Variants in PLEC observed in about 807,000 individuals in gnomAD.
PLEC encodes the protein hemidesmosomal protein 1.
Under a neutral mutation model 392.8 loss-of-function variants are expected in PLEC, and 216 were observed. That is an observed-to-expected ratio of 0.55 (90% confidence interval 0.49 to 0.62). PLEC has a LOEUF of 0.62. Ranked by LOEUF, PLEC falls within the 20% of genes least tolerant of loss-of-function variation. The pLI, the probability that PLEC is intolerant of heterozygous loss-of-function variation, is 0.00. For missense variants in PLEC, 6,863 were observed against 6,563.4 expected (o/e 1.05, Z -1.58); for synonymous variants, 3,621 against 2,980.6 (o/e 1.21, Z -7.00).
chr8:143,929,059 C>T, intron 25 of PLEC, 44 bp downstream of exon 25: 3 of 1,530,658 alleles, frequency 2.0e-6, no homozygotes, highest in East Asian at 2.4e-5. Context: ...CCCCAGCACC[C>T]CCCAGCCGAC....
Position 143,920,899 on chromosome 8 carries a change from A to G in PLEC, c.8922T>C (p.Phe2974=). 1.2e-6 allele frequency: 2 copies of G among 1,612,126 alleles called. No homozygotes were observed. The highest frequency in any genetic ancestry group is 1.7e-6 in the Non-Finnish European group (2 of 1,180,002). Residue 2974 remains phenylalanine (F), a synonymous_variant, in exon 32 of 32, where the codon TTT becomes TTC. Transcript: ENST00000345136. ...CTGGCACCAGGCTGCGCAGGCCCTCAAAGCAAAGCCGGCCCTTCTGCTCCT... is the reference window on the plus strand; with the variant it reads ...CTGGCACCAGGCTGCGCAGGCCCTCGAAGCAAAGCCGGCCCTTCTGCTCCT... ...EEQEQKGRLC[F]EGLRSLVPAA...
Position 143,919,503 on chromosome 8 carries a change from A to T in PLEC, c.10318T>A (p.Tyr3440Asn). 1 of 1,612,848 alleles carries T rather than the reference A, an allele frequency of 6.2e-7. No individual in the cohort carries two copies. The highest frequency in any genetic ancestry group is 8.5e-7 in the Non-Finnish European group (1 of 1,179,846). The change falls in exon 32 of 32, where the codon TAC becomes AAC. Residue 3440 changes from tyrosine (Y) to asparagine (N), a missense_variant. By Grantham distance (143) the Tyr-to-Asn change is moderately radical. Transcript: ENST00000345136. ...EKAVTGYRDP[Y>N]SGSTISLFQA... is the part of the protein sequence containing the mutation. ...AAGAGGGAGATGGTGCTGCCCGAGT[A>T]GGGGTCTCTGTAGCCGGTGACGGCC...
intron 1 of PLEC, among the ~76,000 whole-genome samples, chr8:143,968,867 G>A (rs934383909): frequency 6.6e-6 from 1 of 152,162 alleles, no homozygotes; most frequent in Non-Finnish European, 1.5e-5. Context: ...TGTTGGTGAG[G>A]ATGTGAGGAA....
rs1824706727 is a variant in PLEC at position 143,925,396 on chromosome 8, C to T, written c.4533G>A (p.Arg1511=). 1 of 1,586,014 alleles carries T rather than the reference C, an allele frequency of 6.3e-7. No individual in the cohort carries two copies. The highest frequency in any genetic ancestry group is 8.5e-7 in the Non-Finnish European group (1 of 1,173,488). ...RQVQDESQRK[R]QAEVELASRV... ...GCGAGGCCAGCTCCACCTCCGCCTGCCGCTTACGCTGGCTCTCGTCCTGCA... is the reference window on the plus strand; with the variant it reads ...GCGAGGCCAGCTCCACCTCCGCCTGTCGCTTACGCTGGCTCTCGTCCTGCA... Residue 1511 remains arginine, a synonymous_variant, in exon 31 of 32, where the codon CGG becomes CGA. Coordinates refer to ENST00000345136, the MANE Select transcript of PLEC (RefSeq NM_201384.3).
In PLEC at chr8:143,918,404, G is replaced by C. The variant is rs1554675150; in HGVS notation, c.11417C>G (p.Thr3806Ser). 7 of 1,569,348 alleles carry C rather than the reference G, an allele frequency of 4.5e-6. No homozygotes were observed. The highest frequency in any genetic ancestry group is 3.3e-4 in the Middle Eastern group (2 of 6,012). The stretch of plus-strand genomic sequence containing the variant: ...CAGGCGGGGGTCCACGATGCCGCCG[G>C]TGGCCAGCTGGGCATCCAGCAGCCG... Reference protein sequence around the residue: ...ALRLLDAQLATGGIVDPRLGF... With the variant: ...ALRLLDAQLASGGIVDPRLGF... The change falls in exon 32 of 32, where the codon ACC becomes AGC. Residue 3806 changes from threonine to serine, a missense_variant. Coordinates refer to ENST00000345136, the MANE Select transcript of PLEC (RefSeq NM_201384.3).
In PLEC at chr8:143,930,233, C is replaced by T; in HGVS notation, c.2523G>A (p.Val841=). ...VGPAQPSHWK[V]LSSSGSEAAV... ...CGGCCTCGCTGCCGGAGCTGCTGAG[C>T]ACCTTCCAGTGGGACGGCTGTGCAG... Residue 841 remains valine (V), a synonymous_variant, in exon 21 of 32, where the codon GTG becomes GTA. Coordinates refer to ENST00000345136, the MANE Select transcript of PLEC (RefSeq NM_201384.3). 2.5e-6 allele frequency: 4 copies of T among 1,594,768 alleles called. No individual in the cohort carries two copies. Among genetic ancestry groups the T allele is most frequent in the Non-Finnish European group, 3.4e-6 (4 of 1,175,932 alleles).
In PLEC at chr8:143,923,211, G is replaced by C. The variant is rs1554691628; in HGVS notation, c.6718C>G (p.Leu2240Val). 6.2e-7 allele frequency: 1 copy of C among 1,603,012 alleles called. No homozygotes were observed. The highest frequency in any genetic ancestry group is 1.1e-5 in the South Asian group (1 of 91,074). Residue 2240 changes from leucine to valine, a missense_variant, in exon 31 of 32, where the codon CTG becomes GTG. By Grantham distance (32) the Leu-to-Val change is conservative (BLOSUM62 1). Transcript: ENST00000345136. ...TCGATGCGTGCCTTGAGCTTGCTCA[G>C]CTCCTCCATCTGCACGCGCACCGAG... ...LFSVRVQMEE[L>V]SKLKARIEAE...
At position 143,924,928 on chromosome 8, in the gene PLEC, C is replaced by T. The variant is rs781876215; in HGVS notation, c.5001G>A (p.Glu1667=). ...GCCGCCGCGCCTCGCGCTCCGCCTC[C>T]TCCTTCTGCTTCTCAGCCTCGGCCT... ...LAQAEAEKQK[E]EAEREARRRG... Residue 1667 remains glutamate (E), a synonymous_variant, in exon 31 of 32, where the codon GAG becomes GAA. Transcript: ENST00000345136. The T allele has an allele frequency of 1.7e-5, 27 of 1,584,956 alleles. No individual in the cohort carries two copies. The Middle Eastern group carries it at 5.0e-4, about 29-fold the overall frequency.
At chr8:143,943,927 C>T (rs782765055), upstream of PLEC, 8 of 1,600,720 alleles carry the variant, frequency 5.0e-6, no homozygotes, top group East Asian at 1.1e-4. Flanking sequence ...GCCCTTCCTG[C>T]GCTGGGAACC....
chr8:143,923,487 G>C lies in PLEC; in HGVS notation c.6442C>G (p.Arg2148Gly). The change falls in exon 31 of 32, where the codon CGG becomes GGG. Residue 2148 changes from arginine (R) to glycine (G), a missense_variant. Coordinates refer to ENST00000345136, the MANE Select transcript of PLEC (RefSeq NM_201384.3). ...GCCGCCTGCTCCGCCTGTGCCCGCC[G>C]CGCCGCCTCTTGCTCGGCCTCCTTG... ...LRKEAEQEAA[R>G]RAQAEQAALR... 1 of 1,601,194 alleles carries C rather than the reference G, an allele frequency of 6.2e-7. No individual in the cohort carries two copies. The highest frequency in any genetic ancestry group is 8.5e-7 in the Non-Finnish European group (1 of 1,175,544).
chr8:143,939,627 A>C, upstream of PLEC: 1 of 1,436,086 alleles, frequency 7.0e-7, no homozygotes, highest in Non-Finnish European at 9.1e-7. Flanking sequence ...TGCCTGCTGT[A>C]CTCCCCGGCG....
upstream of PLEC, among the ~76,000 whole-genome samples, chr8:143,974,074 A>G (rs1833572281): frequency 6.6e-6 from 1 of 152,226 alleles, no homozygotes; most frequent in African/African-American, 2.4e-5. This position sits in a 1 kb window ranked among gnomAD's most constrained non-coding sequence, Gnocchi z 5.9. Flanking sequence ...CCCCGCCTTC[A>G]CCAATGTCGG....
rs1217131605 is a variant in PLEC, at chr8:143,923,695, C to A, written c.6234G>T (p.Gln2078His). ...GGGCCGCCTCCGCCTCGCCGCGCAG[C>A]TGGTCCAGCACGCTCTGCTCCTGCT... ...TLQQEQSVLDQLRGEAEAARR... is the reference protein window; with the variant it reads ...TLQQEQSVLDHLRGEAEAARR... The change falls in exon 31 of 32, where the codon CAG becomes CAT. Residue 2078 changes from glutamine (Q) to histidine (H), a missense_variant. By Grantham distance (24) the Gln-to-His change is conservative. Transcript: ENST00000345136. The A allele has an allele frequency of 9.1e-6, 14 of 1,546,142 alleles. No individual in the cohort carries two copies. The South Asian group carries it at 1.4e-4, about 15-fold the overall frequency.
chr8:143,946,541 A>C, intron 1 of PLEC: 1 of 464,786 alleles, frequency 2.2e-6, no homozygotes, highest in Non-Finnish European at 3.7e-6. Flanking sequence ...CAGTAAGCAG[A>C]GATGAAGCCC....
In PLEC at chr8:143,930,179, G is replaced by A. The variant is rs1826768302; in HGVS notation, c.2577C>T (p.Pro859=). The change falls in exon 21 of 32, where the codon CCC becomes CCT. Residue 859 remains proline, a synonymous_variant. Transcript: ENST00000345136. ...CCTCCTGGGCCTCCTGGTTGGGCGG[G>A]GGCACCAGGAAGCACACGGAGGGCA... ...AAVPSVCFLV[P]PPNQEAQEAV... is the part of the protein sequence containing the mutation. 1.9e-6 allele frequency: 3 copies of A among 1,581,560 alleles called. No homozygotes were observed. Among genetic ancestry groups the A allele is most frequent in the East Asian group, 2.3e-5 (1 of 43,766 alleles).
Position 143,925,359 on chromosome 8 carries a change from CGGCCTT to C in PLEC, c.4564_4569del (p.Lys1522_Ala1523del). 2 of 1,555,056 alleles carry C rather than the reference CGGCCTT, an allele frequency of 1.3e-6. No homozygotes were observed. Among genetic ancestry groups the C allele is most frequent in the Non-Finnish European group, 1.7e-6 (2 of 1,157,864 alleles). On this transcript the variant is annotated inframe_deletion, in exon 31 of 32. Transcript: ENST00000345136. ...TGCTTCTCGCGCGCCGCCTCGGCCT[CGGCCTT>C]CACGCGCGAGGCCAGCTCCACCTCC...
chr8:143,942,257 CG>C (rs1293340856), upstream of PLEC: 2 of 1,036,254 alleles, frequency 1.9e-6, no homozygotes, highest in Non-Finnish European at 2.8e-6. Context: ...TTCCGGAGCT[CG>C]GGGGCAAGGC....
In PLEC at chr8:143,919,801, G is replaced by T; in HGVS notation, c.10020C>A (p.Asp3340Glu). 1 of 1,612,978 alleles carries T rather than the reference G, an allele frequency of 6.2e-7. No individual in the cohort carries two copies. ...QLKDGKTTVK[D>E]LSELGSVRTL... ...TCCGCACGGAGCCCAGCTCCGAAAG[G>T]TCCTTGACCGTCGTCTTGCCGTCCT... The change falls in exon 32 of 32, where the codon GAC (aspartate) becomes GAA (glutamate). Residue 3340 changes from aspartate to glutamate, a missense_variant. By Grantham distance (45) the Asp-to-Glu change is conservative. Transcript: ENST00000345136.
intron 1 of PLEC, among the ~76,000 whole-genome samples, chr8:143,948,101 A>C (rs2132664989): frequency 6.6e-6 from 1 of 152,352 alleles, no homozygotes; most frequent in East Asian, 1.9e-4. Context: ...ATGGCTTCCC[A>C]CACAGATGTG....
Sources: allele counts gnomAD v4.1 joint callset (sites outside exome capture counted in the v4.1 genomes callset), GRCh38; gene constraint gnomAD v4.1.1; non-coding constraint Gnocchi (gnomAD v3.1); transcripts MANE v1.5; gene names NCBI Gene and HGNC (gene_info 2026-07-23, HGNC 2026-07-21).